The following TMEM117 variants were observed in gnomAD, a reference collection of about 807,000 sequenced individuals.
The protein encoded by TMEM117 is transmembrane protein 117.
Under a neutral mutation model 52.4 loss-of-function variants are expected in TMEM117, and 27 were observed. That is an observed-to-expected ratio of 0.51 (90% CI 0.38 to 0.71). The LOEUF (loss-of-function observed/expected upper bound fraction) is 0.71, where lower values mean the gene tolerates loss of function less well. Among genes scored for constraint, TMEM117 ranks in the 30% least tolerant of loss-of-function variants. TMEM117 has a pLI of 0.00. For synonymous variants in TMEM117, 215 were observed against 206.3 expected (o/e 1.04, Z -0.36); for missense variants, 556 against 630.5 (o/e 0.88, Z 1.26).
chr12:44,188,252 A>G lies in TMEM117; in HGVS notation c.511-23038A>G, dbSNP rs552247714. ...GACTTTGATCATCTTCTATCTGAACATCCAATAAGTGATTTCAGCTTTGCC... is the reference window on the plus strand; with the variant it reads ...GACTTTGATCATCTTCTATCTGAACGTCCAATAAGTGATTTCAGCTTTGCC... On this transcript the variant is annotated intron_variant, in intron 4 of 7. Coordinates refer to ENST00000266534, the MANE Select transcript of TMEM117 (RefSeq NM_032256.3). Among the ~76,000 whole-genome samples the G allele has an allele frequency of 2.2e-4, 34 of 152,272 alleles. No homozygotes were observed. In the South Asian group the frequency reaches 6.6e-3, roughly 30 times the overall value.
chr12:43,844,441 A>T (rs560085147), intron 1 of TMEM117, among the ~76,000 whole-genome samples, 183 bp from the exon 2 acceptor site: 2 of 152,198 alleles, frequency 1.3e-5, no homozygotes, highest in Non-Finnish European at 2.9e-5. Flanking sequence ...GTATGATTAG[A>T]TGTTAGGGAA....
chr12:44,207,395 A>G (rs1427648597), intron 4 of TMEM117, among the ~76,000 whole-genome samples: 1 of 152,206 alleles, frequency 6.6e-6, no homozygotes, highest in Non-Finnish European at 1.5e-5. Flanking sequence ...AAGAATGGCA[A>G]AAGTAGAGAA....
chr12:44,325,985 A>T (rs1051743825), intron 6 of TMEM117, among the ~76,000 whole-genome samples: 1 of 152,130 alleles, frequency 6.6e-6, no homozygotes, highest in African/African-American at 2.4e-5. Context: ...AACATGGTGA[A>T]ACCCCATCTC....
intron 3 of TMEM117, among the ~76,000 whole-genome samples, chr12:44,004,792 T>G (rs1946168466): frequency 6.6e-6 from 1 of 152,138 alleles, no homozygotes; most frequent in Non-Finnish European, 1.5e-5. Context: ...TCTAGTATAT[T>G]TTTGTTTTGT....
intron 2 of TMEM117, among the ~76,000 whole-genome samples, chr12:43,851,510 G>A (rs1248191218): frequency 1.3e-5 from 2 of 151,744 alleles, no homozygotes; most frequent in African/African-American, 2.4e-5. Context: ...AGCTTTTGGG[G>A]GGATTATACT....
chr12:44,153,210 G>A (rs181345838), intron 4 of TMEM117, among the ~76,000 whole-genome samples: 1 of 151,944 alleles, frequency 6.6e-6, no homozygotes, highest in African/African-American at 2.4e-5. Context: ...AGCTTAGGAG[G>A]TTAAGTGTCT....
chr12:44,010,074 C>T (rs999252635), intron 3 of TMEM117: 13 of 437,836 alleles, frequency 3.0e-5, no homozygotes, highest in African/African-American at 2.5e-4. Flanking sequence ...CTCACAGACC[C>T]ATTAGTCTCC....
chr12:43,957,516 T>G (rs1334257690), intron 3 of TMEM117, among the ~76,000 whole-genome samples: 1 of 152,202 alleles, frequency 6.6e-6, no homozygotes, highest in Non-Finnish European at 1.5e-5. Flanking sequence ...GGGATTTGAC[T>G]TGATTAAAAA....
chr12:44,381,488 A>T (rs1252308188), intron 7 of TMEM117, among the ~76,000 whole-genome samples: 2 of 152,186 alleles, frequency 1.3e-5, no homozygotes, highest in African/African-American at 4.8e-5. Context: ...GCCATCTGTC[A>T]TCGCAGCCAA....
At chr12:43,992,572 C>A (rs1205542876) in intron 3 of TMEM117, among the ~76,000 whole-genome samples, 1 of 152,182 alleles carries the variant, frequency 6.6e-6, no homozygotes, top group Non-Finnish European at 1.5e-5. Flanking sequence ...AGCCACCATG[C>A]CCAACCTGAC....
At chr12:44,096,396 A>G (rs1297618079) in intron 3 of TMEM117, among the ~76,000 whole-genome samples, 261 of 151,978 alleles carry the variant, frequency 1.7e-3, no homozygotes, top group African/African-American at 5.7e-3. Flanking sequence ...AAAAGAGCCC[A>G]CATCGCCAAG....
intron 4 of TMEM117, among the ~76,000 whole-genome samples, chr12:44,164,768 A>G (rs1434349327): frequency 6.6e-6 from 1 of 152,192 alleles, no homozygotes; most frequent in Admixed American, 6.5e-5. Context: ...CACTTAAACC[A>G]TGATCTGGAT....
intron 6 of TMEM117, among the ~76,000 whole-genome samples, chr12:44,330,153 CTG>C (rs1394805901): frequency 1.3e-5 from 2 of 152,036 alleles, no homozygotes; most frequent in Non-Finnish European, 2.9e-5. Flanking sequence ...CTCTCCAACA[CTG>C]TTATTTTCTG....
the TMEM117 span, among the ~76,000 whole-genome samples, chr12:43,820,422 G>C: frequency 1.2e-4 from 18 of 151,932 alleles, no homozygotes; most frequent in South Asian, 4.2e-4. Context: ...TACAGACGCC[G>C]GCCACCACGC....
chr12:44,018,548 C>G (rs553415229), intron 3 of TMEM117, among the ~76,000 whole-genome samples: 107 of 152,066 alleles, frequency 7.0e-4, no homozygotes, highest in Non-Finnish European at 1.2e-3. Flanking sequence ...ATGAAACTAA[C>G]TTTTTGCACT....
chr12:43,797,398 G>A, the TMEM117 span: 1 of 1,604,274 alleles, frequency 6.2e-7, no homozygotes, highest in Non-Finnish European at 8.5e-7. Context: ...AAATCTTTCA[G>A]TTCTGTATTT....
chr12:44,107,788 T>G (rs1423731163), intron 3 of TMEM117, among the ~76,000 whole-genome samples: 1 of 152,188 alleles, frequency 6.6e-6, no homozygotes, highest in Non-Finnish European at 1.5e-5. Flanking sequence ...AGAAAGCAAC[T>G]TTGTTTTCTT....
At chr12:44,179,182 AG>A (rs1226184930) in intron 4 of TMEM117, among the ~76,000 whole-genome samples, 5 of 152,270 alleles carry the variant, frequency 3.3e-5, no homozygotes, top group African/African-American at 9.6e-5. Context: ...AACAAGAGCA[AG>A]ACTCTATCTC....
chr12:44,194,763 C>A (rs146772099), intron 4 of TMEM117, among the ~76,000 whole-genome samples: 1,750 of 152,028 alleles, frequency 0.012, 23 homozygotes, highest in South Asian at 0.052. Context: ...CCCAGGAGGC[C>A]GAGGTTGCAG....
Sources: gnomAD v4.1 joint callset for allele counts (sites outside exome capture counted in the v4.1 genomes callset) on GRCh38, gnomAD v4.1.1 for gene constraint, MANE v1.5 for transcripts, NCBI Gene and HGNC (gene_info 2026-07-23, HGNC 2026-07-21) for gene names.